LAPTM4B: variants seen among roughly 807,000 people sequenced by gnomAD.
LAPTM4B encodes lysosomal protein transmembrane 4 beta.
LAPTM4B carries 26 observed loss-of-function variants against 28.5 expected under a neutral mutation model. That is an observed-to-expected ratio of 0.91 (90% CI 0.67 to 1.27). The LOEUF (loss-of-function observed/expected upper bound fraction) is 1.27. LAPTM4B is among the 50% of genes most tolerant of loss of function. LAPTM4B has a pLI of 0.00. For missense variants in LAPTM4B, 288 were observed against 285.8 expected, an observed-to-expected ratio of 1.01 and a Z score of -0.06; for synonymous variants, 109 against 106.4, an observed-to-expected ratio of 1.02 and a Z score of -0.15.
intron 6 of LAPTM4B, among the ~76,000 whole-genome samples, chr8:97,827,227 T>G (rs1375753185): frequency 6.6e-6 from 1 of 152,228 alleles, no homozygotes; most frequent in Non-Finnish European, 1.5e-5. Context: ...ATCTCTGACT[T>G]ACTTCTGCAC....
intron 5 of LAPTM4B, among the ~76,000 whole-genome samples, chr8:97,822,765 C>G (rs890748288): frequency 2.0e-5 from 3 of 152,042 alleles, no homozygotes; most frequent in African/African-American, 7.2e-5. Flanking sequence ...TATTTTGATA[C>G]AGTGCAGAAT....
In LAPTM4B at chr8:97,776,094, G is replaced by A. The variant is rs760412892; in HGVS notation, c.85G>A (p.Gly29Ser). 3 of 1,581,962 alleles carry A rather than the reference G, an allele frequency of 1.9e-6. No homozygotes were observed. Among genetic ancestry groups the A allele is most frequent in the East Asian group, 2.4e-5 (1 of 40,880 alleles). Residue 29 changes from glycine to serine, a missense_variant, in exon 1 of 7, where the codon GGC becomes AGC. Physicochemically the swap from Gly to Ser is moderately conservative, Grantham distance 56. Transcript: ENST00000521545. ...TGTCCGCACCGGCACCATCCTGCTC[G>A]GCGTCTGGTATCTGGTGAGCGCGGC... ...CHVRTGTILL[G>S]VWYLIINAVV...
At chr8:97,822,527 A>ATTTT (rs1354167129) in intron 5 of LAPTM4B, among the ~76,000 whole-genome samples, 2 of 129,738 alleles carry the variant, frequency 1.5e-5, no homozygotes, top group African/African-American at 5.5e-5. Context: ...TATGACTTCT[A>ATTTT]TTTTATTTAT....
In LAPTM4B at chr8:97,794,707, T is replaced by A. The variant is rs190036374; in HGVS notation, c.100-10646T>A. On this transcript the variant is annotated intron_variant, in intron 1 of 6. Transcript: ENST00000521545. ...TACCTGCCATTAATAGCTTTTATTT[T>A]ATTTTAATTTTATTTATTTATTTTG... Among the ~76,000 whole-genome samples, 542 of 152,304 alleles carry A rather than the reference T, an allele frequency of 3.6e-3. 1 individual carries two copies. The highest frequency in any genetic ancestry group is 0.011 in the African/African-American group (475 of 41,570).
chr8:97,822,351 G>T (rs986270356), intron 5 of LAPTM4B, among the ~76,000 whole-genome samples: 4 of 151,892 alleles, frequency 2.6e-5, no homozygotes, highest in African/African-American at 9.7e-5. Context: ...CCTGCAGGAA[G>T]GTTAGTCTGA....
intron 2 of LAPTM4B, among the ~76,000 whole-genome samples, chr8:97,812,980 C>T (rs187575190): frequency 3.5e-4 from 54 of 152,170 alleles, no homozygotes; most frequent in African/African-American, 1.2e-3. Context: ...ACTTTGCCTA[C>T]AAGAATACTA....
intron 1 of LAPTM4B, among the ~76,000 whole-genome samples, chr8:97,781,018 C>G (rs1394774311): frequency 2.0e-5 from 3 of 150,104 alleles, no homozygotes; most frequent in Admixed American, 6.7e-5. Flanking sequence ...GAGACCGAGT[C>G]TCGCTCTGAC....
chr8:97,790,580 G>A (rs560970739), intron 1 of LAPTM4B, among the ~76,000 whole-genome samples: 21 of 152,002 alleles, frequency 1.4e-4, no homozygotes, highest in African/African-American at 5.1e-4. Flanking sequence ...AAAGTGCTGG[G>A]ATCCAGGCAT....
At chr8:97,813,807 C>G (rs1243464724) in intron 2 of LAPTM4B, among the ~76,000 whole-genome samples, 3 of 152,078 alleles carry the variant, frequency 2.0e-5, no homozygotes, top group East Asian at 1.9e-4. Flanking sequence ...CTCTAGATCT[C>G]TGTCGAAAAA....
intron 6 of LAPTM4B, among the ~76,000 whole-genome samples, chr8:97,843,280 A>G (rs1442947628): frequency 2.0e-5 from 3 of 152,118 alleles, no homozygotes; most frequent in Non-Finnish European, 4.4e-5. Flanking sequence ...ACAAAAAATT[A>G]GCTGGCTATG....
chr8:97,776,187 G>T, intron 1 of LAPTM4B, 79 bp downstream of exon 1: 1 of 1,402,982 alleles, frequency 7.1e-7, no homozygotes, highest in East Asian at 2.8e-5. Context: ...CCTCGCGGTG[G>T]GGTGAGGCGT....
intron 4 of LAPTM4B, among the ~76,000 whole-genome samples, chr8:97,818,032 C>CA (rs2129796719): frequency 6.6e-6 from 1 of 152,300 alleles, no homozygotes; most frequent in South Asian, 2.1e-4. Flanking sequence ...AGGCTGGTCT[C>CA]AAACACCTGC....
At chr8:97,826,491 T>G (rs1037901405) in intron 6 of LAPTM4B, among the ~76,000 whole-genome samples, 16 of 152,152 alleles carry the variant, frequency 1.1e-4, no homozygotes, top group African/African-American at 3.6e-4. Context: ...TTTTTTTCCT[T>G]TTCTCTGAGT....
intron 6 of LAPTM4B, among the ~76,000 whole-genome samples, chr8:97,845,217 G>A (rs1283296563): frequency 6.6e-6 from 1 of 152,150 alleles, no homozygotes; most frequent in Admixed American, 6.5e-5. Flanking sequence ...TCATCAGCTA[G>A]TGTTTACTTT....
chr8:97,810,551 A>G (rs1016734138), intron 2 of LAPTM4B, among the ~76,000 whole-genome samples: 5 of 152,242 alleles, frequency 3.3e-5, no homozygotes, highest in African/African-American at 1.2e-4. Flanking sequence ...AAGGTAAAGC[A>G]CAGGTAGTTC....
intron 2 of LAPTM4B, among the ~76,000 whole-genome samples, chr8:97,809,297 C>T (rs1586330332): frequency 6.6e-6 from 1 of 152,286 alleles, no homozygotes; most frequent in Admixed American, 6.5e-5. Context: ...AATTGTGTAG[C>T]TTTAATCTGA....
chr8:97,794,822 T>A lies in LAPTM4B; in HGVS notation c.100-10531T>A, dbSNP rs1816556868. 1.3e-5 allele frequency among the ~76,000 whole-genome samples: 2 copies of A among 152,204 alleles called. 1 individual carries two copies. Among genetic ancestry groups the A allele is most frequent in the South Asian group, 4.1e-4 (2 of 4,830 alleles). On this transcript the variant is annotated intron_variant, in intron 1 of 6. Transcript: ENST00000521545. ...TCCACCTCCCATGTTCAAGTGATTC[T>A]CCTGCCTCAGCCTCCTGAGTAGCTG...
intron 6 of LAPTM4B, among the ~76,000 whole-genome samples, chr8:97,848,493 A>T (rs753578304): frequency 3.3e-5 from 5 of 151,860 alleles, no homozygotes; most frequent in Non-Finnish European, 7.4e-5. Context: ...AGAAAAAAAA[A>T]TGGTGGGTGT....
At chr8:97,830,553 GGCT>G (rs967318247) in intron 6 of LAPTM4B, among the ~76,000 whole-genome samples, 3 of 152,154 alleles carry the variant, frequency 2.0e-5, no homozygotes, top group African/African-American at 7.2e-5. Context: ...AGATACAAAG[GGCT>G]GTTGTTCTTT....
Sources: allele counts gnomAD v4.1 joint callset (sites outside exome capture counted in the v4.1 genomes callset), GRCh38; gene constraint gnomAD v4.1.1; transcripts MANE v1.5; gene names NCBI Gene and HGNC (gene_info 2026-07-23, HGNC 2026-07-21).